CYP2D6: variants seen among roughly 807,000 people sequenced by gnomAD.
CYP2D6 encodes the protein cytochrome P450 family 2 subfamily D member 6 (gene/pseudogene).
A neutral mutation model predicts 43.5 loss-of-function variants in CYP2D6; 51 were observed. The ratio of observed to expected loss-of-function variants is 1.17; its 90% CI spans 0.94 to 1.48. The LOEUF is 1.48. Among genes scored for constraint, CYP2D6 ranks in the 40% most tolerant of loss-of-function variants. The probability of loss-of-function intolerance (pLI) is 0.00; values close to 1 mark genes in which losing one functional copy is unlikely to be tolerated. For missense variants in CYP2D6, 698 were observed against 688.0 expected (o/e 1.01, Z -0.16); for synonymous variants, 346 against 297.1 (o/e 1.16, Z -1.69).
rs1376594434 is a variant in CYP2D6, at chr22:42,127,836, G to T, written c.985+6C>A. 1 of 1,610,730 alleles carries T rather than the reference G, an allele frequency of 6.2e-7. No homozygotes were observed. The highest frequency in any genetic ancestry group is 2.2e-5 in the East Asian group (1 of 44,746). On this transcript the variant is annotated splice_donor_region_variant and intron_variant, in intron 6 of 8. Coordinates refer to ENST00000645361, the MANE Select transcript of CYP2D6 (RefSeq NM_000106.6). Reference sequence around the variant, plus strand: ...GGCCCCTGCACTGTTTCCCAGATGGGCTCACGCTGCACATCCGGATGTAGG... The same window carrying T: ...GGCCCCTGCACTGTTTCCCAGATGGTCTCACGCTGCACATCCGGATGTAGG...
chr22:42,128,089 T>G (rs1931242767), intron 5 of CYP2D6, 85 bp downstream of exon 5: 40 of 1,584,970 alleles, frequency 2.5e-5, no homozygotes, highest in Non-Finnish European at 3.3e-5. Flanking sequence ...GATGCACTGG[T>G]CCAACCTTTT....
At position 42,128,944 on chromosome 22, in the gene CYP2D6, C is replaced by A. The variant is rs1288779666; in HGVS notation, c.506G>T (p.Gly169Val). The A allele has an allele frequency of 1.3e-6, 2 of 1,586,452 alleles. No homozygotes were observed. The highest frequency in any genetic ancestry group is 1.7e-6 in the Non-Finnish European group (2 of 1,166,758). Residue 169 changes from glycine (G) to valine (V), a missense_variant and splice_region_variant, in exon 4 of 9, where the codon GGA (glycine) becomes GTA (valine). Around this residue, in one of 5 missense-constraint regions of CYP2D6, gnomAD observed 588 missense variants for 521.1 expected, o/e 1.13. Coordinates refer to ENST00000645361, the MANE Select transcript of CYP2D6 (RefSeq NM_000106.6). ...GAGACCGTTGGGGCGAAAGGGGCGT[C>A]CTGGGGGTGGGAGATGCGGGTAAGG... is the stretch of plus-strand genomic sequence containing the variant. The part of the protein sequence containing the change: ...CLCAAFANHS[G>V]RPFRPNGLLD...
rs530100977 is a variant in CYP2D6 at position 42,129,513 on chromosome 22, T to G, written c.352+225A>C. 7.1e-5 allele frequency: 52 copies of G among 733,930 alleles called. 3 individuals are homozygous for G. The African/African-American group carries it at 7.8e-4, about 11-fold the overall frequency. 45.5% of individuals were successfully genotyped at this position (733,930 alleles called of 1,614,324 possible). On this transcript the variant is annotated intron_variant, in intron 2 of 8. Coordinates refer to ENST00000645361, the MANE Select transcript of CYP2D6 (RefSeq NM_000106.6). ...CTGGGAAATGCGCCAGCCTCACCCA[T>G]TGGGCTCCTGCCAGGTCTCGGCAGT...
At position 42,128,864 on chromosome 22, in the gene CYP2D6, C is replaced by G. The variant is rs755518310; in HGVS notation, c.586G>C (p.Glu196Gln). 4 of 1,602,762 alleles carry G rather than the reference C, an allele frequency of 2.5e-6. No homozygotes were observed. The East Asian group carries it at 6.8e-5, about 27-fold the overall frequency. ...CTGAGGAAGCGAGGGTCGTCGTACT[C>G]GAAGCGGCGCCCGCAGGTGAGGGAG... ...IASLTCGRRF[E>Q]YDDPRFLRLL... The change falls in exon 4 of 9, where the codon GAG (glutamate) becomes CAG (glutamine). Residue 196 changes from glutamate (E) to glutamine (Q), a missense_variant. Glu to Gln is a conservative substitution (Grantham distance 29). Coordinates refer to ENST00000645361, the MANE Select transcript of CYP2D6 (RefSeq NM_000106.6).
chr22:42,127,815 C>T (rs2146932506), intron 6 of CYP2D6, 27 bp downstream of exon 6: 1 of 1,609,482 alleles, frequency 6.2e-7, no homozygotes, highest in Non-Finnish European at 8.5e-7. Context: ...TCCCTCGGCC[C>T]CTGCACTGTT....
rs1931221495 is a variant in CYP2D6 at position 42,127,985 on chromosome 22, T to G, written c.844-2A>C. The G allele has an allele frequency of 6.2e-7, 1 of 1,611,276 alleles. No homozygotes were observed. Among genetic ancestry groups the G allele is most frequent in the Non-Finnish European group, 8.5e-7 (1 of 1,178,326 alleles). ...GCTGCTCTCAGGGTTCCCCTTGGCC[T>G]GAGCAGGGCCGAGAGCATACTCGGG... is the stretch of plus-strand genomic sequence containing the variant. On this transcript the variant is annotated splice_acceptor_variant, in intron 5 of 8. Transcript: ENST00000645361. LOFTEE classifies it high-confidence loss of function.
At chr22:42,129,456 T>G (rs2146939749) in intron 2 of CYP2D6, 2 of 730,414 alleles carry the variant, frequency 2.7e-6, no homozygotes, top group South Asian at 3.1e-5. Flanking sequence ...ACAGGTGCGG[T>G]CCCCGCCCCC....
intron 2 of CYP2D6, chr22:42,129,497 G>A (rs1417775985): frequency 1.4e-6 from 1 of 721,750 alleles, no homozygotes; most frequent in Non-Finnish European, 2.4e-6. Context: ...GCTGGGAAAT[G>A]CGCCAGCCTC....
rs1931699709 is a variant in CYP2D6 at position 42,129,647 on chromosome 22, A to G, written c.352+91T>C. ...CCACTCGCTGGCCTGTTTCATGTCC[A>G]CGACCCCGCGCCCTCTCTGCCCAGC... On this transcript the variant is annotated intron_variant, in intron 2 of 8. Coordinates refer to ENST00000645361, the MANE Select transcript of CYP2D6 (RefSeq NM_000106.6). The G allele has an allele frequency of 1.9e-6, 3 of 1,543,724 alleles. 1 individual carries two copies. Among genetic ancestry groups the G allele is most frequent in the Non-Finnish European group, 8.9e-7 (1 of 1,128,498 alleles).
At position 42,129,160 on chromosome 22, in the gene CYP2D6, G is replaced by A. The variant is rs369043970; in HGVS notation, c.378C>T (p.Pro126=). ...AGAAGCGCCTCTGCTCGCGCCACGC[G>A]GGCCCATAGCGCGCCAGGAACACCC... ...SQGVFLARYG[P]AWREQRRFSV... The change falls in exon 3 of 9, where the codon CCC becomes CCT. Residue 126 remains proline (P), a synonymous_variant. Transcript: ENST00000645361. 51 of 1,607,294 alleles carry A rather than the reference G, an allele frequency of 3.2e-5. No homozygotes were observed. Among genetic ancestry groups the A allele is most frequent in the African/African-American group, 6.7e-5 (5 of 74,452 alleles).
rs1931221495 is a variant in CYP2D6, at chr22:42,127,985, T to A, written c.844-2A>T. On this transcript the variant is annotated splice_acceptor_variant, in intron 5 of 8. Coordinates refer to ENST00000645361, the MANE Select transcript of CYP2D6 (RefSeq NM_000106.6). LOFTEE classifies it high-confidence loss of function. ...GCTGCTCTCAGGGTTCCCCTTGGCC[T>A]GAGCAGGGCCGAGAGCATACTCGGG... 1 of 1,611,390 alleles carries A rather than the reference T, an allele frequency of 6.2e-7. No individual in the cohort carries two copies. Among genetic ancestry groups the A allele is most frequent in the Non-Finnish European group, 8.5e-7 (1 of 1,178,318 alleles).
chr22:42,129,724 C>A lies in CYP2D6; in HGVS notation c.352+14G>T, dbSNP rs1484591902. The A allele has an allele frequency of 6.2e-7, 1 of 1,609,632 alleles. No homozygotes were observed. The highest frequency in any genetic ancestry group is 1.1e-5 in the South Asian group (1 of 90,916). On this transcript the variant is annotated intron_variant, in intron 2 of 8. Coordinates refer to ENST00000645361, the MANE Select transcript of CYP2D6 (RefSeq NM_000106.6). ...GTCCCACGGAAATCTGTCTCTGTCCCCACCGCTGCTTGCCTTGGGAACGCG... is the reference window on the plus strand; with the variant it reads ...GTCCCACGGAAATCTGTCTCTGTCCACACCGCTGCTTGCCTTGGGAACGCG...
intron 6 of CYP2D6, 50 bp downstream of exon 6, chr22:42,127,792 C>T (rs765006570): frequency 1.9e-6 from 3 of 1,602,820 alleles, no homozygotes; most frequent in Middle Eastern, 1.7e-4. Context: ...TGGGCCCCCG[C>T]CTGTACCCTT....
Position 42,127,895 on chromosome 22 carries a change from G to T in CYP2D6, c.932C>A (p.Ser311Ter), listed in dbSNP as rs1135830. The T allele has an allele frequency of 6.2e-7, 1 of 1,610,954 alleles. No individual in the cohort carries two copies. The highest frequency in any genetic ancestry group is 8.5e-7 in the Non-Finnish European group (1 of 1,178,022). ...DLFSAGMVTT[S>*]TTLAWGLLLM... Reference sequence around the variant, plus strand: ...CAGGAGGCCCCAGGCCAGCGTGGTCGAGGTGGTCACCATCCCGGCAGAGAA... The same window carrying T: ...CAGGAGGCCCCAGGCCAGCGTGGTCTAGGTGGTCACCATCCCGGCAGAGAA... Residue 311 changes from serine to a stop codon, truncating the protein, a stop_gained, in exon 6 of 9, where the codon TCG becomes TAG. Coordinates refer to ENST00000645361, the MANE Select transcript of CYP2D6 (RefSeq NM_000106.6). LOFTEE classifies it high-confidence loss of function.
chr22:42,128,644 G>A (rs2146935979), intron 4 of CYP2D6, 140 bp downstream of exon 4: 2 of 1,023,624 alleles, frequency 2.0e-6, no homozygotes, highest in Admixed American at 2.0e-5. Flanking sequence ...CCTCCTCCAG[G>A]CCCTTCTTAC....
At chr22:42,129,538 T>C (rs767458427) in intron 2 of CYP2D6, 200 bp downstream of exon 2, 2 of 792,638 alleles carry the variant, frequency 2.5e-6, no homozygotes, top group African/African-American at 1.7e-5. Context: ...GTCTCGGCAG[T>C]GGCCCCGCCC....
chr22:42,130,642 G>A lies in CYP2D6; in HGVS notation c.150C>T (p.Asp50=), dbSNP rs79802111. Residue 50 remains aspartate (D), a synonymous_variant, in exon 1 of 9, where the codon GAC becomes GAT. Coordinates refer to ENST00000645361, the MANE Select transcript of CYP2D6 (RefSeq NM_000106.6). ...CGAAGCAGTATGGTGTGTTCTGGAA[G>A]TCCACATGCAGCAGGTTGCCCAGCC... is the stretch of plus-strand genomic sequence containing the variant. ...LPGLGNLLHV[D]FQNTPYCFDQ... is the part of the protein sequence containing the mutation. The A allele has an allele frequency of 4.9e-5, 78 of 1,608,098 alleles. 3 individuals are homozygous for A. The African/African-American group carries it at 9.8e-4, about 20-fold the overall frequency.
rs138417770 is a variant in CYP2D6, at chr22:42,130,718, C to T, written c.74G>A (p.Arg25Gln). The T allele has an allele frequency of 8.1e-6, 13 of 1,601,556 alleles. 1 individual carries two copies. Among genetic ancestry groups the T allele is most frequent in the African/African-American group, 4.0e-5 (3 of 74,114 alleles). The change falls in exon 1 of 9, where the codon CGG becomes CAG. Residue 25 changes from arginine to glutamine, a missense_variant. Around this residue, in one of 5 missense-constraint regions of CYP2D6, gnomAD observed 588 missense variants for 521.1 expected, o/e 1.13. Coordinates refer to ENST00000645361, the MANE Select transcript of CYP2D6 (RefSeq NM_000106.6). ...GTAGCGTGCAGCCCAGCGTTGGCGC[C>T]GGTGCATCAGGTCCACCAGGAGCAG... Reference protein sequence around the residue: ...IFLLLVDLMHRRQRWAARYPP... With the variant: ...IFLLLVDLMHQRQRWAARYPP...
chr22:42,129,037 G>A lies in CYP2D6; in HGVS notation c.501C>T (p.His167=), dbSNP rs1135825. 1.2e-6 allele frequency: 2 copies of A among 1,604,782 alleles called. No homozygotes were observed. Among genetic ancestry groups the A allele is most frequent in the Non-Finnish European group, 8.5e-7 (1 of 1,175,568 alleles). Residue 167 remains histidine, a synonymous_variant, in exon 3 of 9, where the codon CAC becomes CAT. Coordinates refer to ENST00000645361, the MANE Select transcript of CYP2D6 (RefSeq NM_000106.6). ...GCCCTTCTGCCCATCACCCACCGGA[G>A]TGGTTGGCGAAGGCGGCACAAAGGC... is the stretch of plus-strand genomic sequence containing the variant. ...AACLCAAFAN[H]SGRPFRPNGL...
Sources: allele counts gnomAD v4.1 joint callset, GRCh38; gene constraint gnomAD v4.1.1; regional missense constraint gnomAD v4.1.1; transcripts MANE v1.5; gene names NCBI Gene and HGNC (gene_info 2026-07-23, HGNC 2026-07-21).